SP100: variants seen among roughly 807,000 people sequenced by gnomAD.
SP100 encodes the protein nuclear autoantigen Sp-100.
Under a neutral mutation model 130.0 loss-of-function variants are expected in SP100, and 84 were observed. The ratio of observed to expected loss-of-function variants is 0.65; its 90% CI spans 0.54 to 0.77. The LOEUF (loss-of-function observed/expected upper bound fraction) is 0.77, where lower values mean the gene tolerates loss of function less well. Ranked by LOEUF, SP100 falls within the 30% of genes least tolerant of loss-of-function variation. The pLI is 0.00. For missense variants in SP100, 978 were observed against 1,052.2 expected (o/e 0.93, Z 0.97); for synonymous variants, 331 against 351.7 (o/e 0.94, Z 0.66).
rs767451692 is a variant in SP100 at position 230,464,109 on chromosome 2, A to T, written c.1100A>T (p.Glu367Val). The change falls in exon 11 of 29, where the codon GAG becomes GTG. Residue 367 changes from glutamate (E) to valine (V), a missense_variant. Transcript: ENST00000340126. Reference protein sequence around the residue: ...DNPLESNDEKEGQEATCSRPQ... With the variant: ...DNPLESNDEKVGQEATCSRPQ... Reference sequence around the variant, plus strand: ...CCTTTAGAATCAAATGATGAAAAGGAGGGCCAAGAAGCCACTTGCTCACGA... The same window carrying T: ...CCTTTAGAATCAAATGATGAAAAGGTGGGCCAAGAAGCCACTTGCTCACGA... The T allele has an allele frequency of 1.2e-6, 2 of 1,613,300 alleles. No individual in the cohort carries two copies. Among genetic ancestry groups the T allele is most frequent in the Non-Finnish European group, 1.7e-6 (2 of 1,179,266 alleles).
chr2:230,525,691 A>T (rs1015996563), intron 24 of SP100, among the ~76,000 whole-genome samples: 15 of 152,184 alleles, frequency 9.9e-5, no homozygotes, highest in Non-Finnish European at 2.1e-4. Context: ...TATACTCCTG[A>T]CCAAACACTG....
At chr2:230,423,031 A>C (rs902536513) in intron 2 of SP100, among the ~76,000 whole-genome samples, 1 of 152,202 alleles carries the variant, frequency 6.6e-6, no homozygotes, top group African/African-American at 2.4e-5. Context: ...ATATATATGC[A>C]CATATATGTA....
At chr2:230,492,641 T>C (rs2066450260) in intron 17 of SP100, among the ~76,000 whole-genome samples, 1 of 152,164 alleles carries the variant, frequency 6.6e-6, no homozygotes, top group African/African-American at 2.4e-5. Flanking sequence ...TATTTCTATA[T>C]TGTCAGAGCA....
intron 2 of SP100, among the ~76,000 whole-genome samples, chr2:230,420,602 TA>T (rs2062740751): frequency 6.6e-6 from 1 of 152,182 alleles, no homozygotes; most frequent in African/African-American, 2.4e-5. Flanking sequence ...GGCCTGTGTA[TA>T]GGATATTTAT....
chr2:230,438,732 A>G (rs915013073), intron 2 of SP100, among the ~76,000 whole-genome samples: 2 of 151,944 alleles, frequency 1.3e-5, no homozygotes, highest in African/African-American at 4.8e-5. Context: ...GTATATATAC[A>G]TATATATATC....
intron 2 of SP100, among the ~76,000 whole-genome samples, chr2:230,419,891 A>G (rs2062720580): frequency 6.6e-6 from 1 of 152,164 alleles, no homozygotes; most frequent in Non-Finnish European, 1.5e-5. Flanking sequence ...GATCTGATCC[A>G]TGGTTCTATT....
chr2:230,474,398 C>T lies in SP100; in HGVS notation c.1551C>T (p.Thr517=). The T allele has an allele frequency of 6.6e-7, 1 of 1,526,014 alleles. No homozygotes were observed. Among genetic ancestry groups the T allele is most frequent in the Non-Finnish European group, 9.0e-7 (1 of 1,108,030 alleles). The allele number at this position is 1,526,014 out of a possible 1,614,324, so 94.5% of individuals were successfully genotyped here. A position where few individuals can be genotyped will look rare whatever the true frequency, so the allele number is the denominator to read the frequency against. The change falls in exon 17 of 29, where the codon ACC becomes ACT. Residue 517 remains threonine (T), a synonymous_variant. Transcript: ENST00000340126. ...ESSQASDMMD[T]MDVENNSTLE... The stretch of plus-strand genomic sequence containing the variant: ...CCACTACCTGTCACTTTCTAGATAC[C>T]ATGGATGTTGAAAACAATTCTACTT...
At chr2:230,478,481 G>A (rs558573080) in intron 17 of SP100, among the ~76,000 whole-genome samples, 2 of 152,144 alleles carry the variant, frequency 1.3e-5, no homozygotes, top group East Asian at 1.9e-4. Context: ...AATCAGTAAC[G>A]GTTATGAAAA....
At chr2:230,515,993 T>C in intron 24 of SP100, 1 of 1,001,612 alleles carries the variant, frequency 1.0e-6, no homozygotes, top group Non-Finnish European at 1.2e-6. Flanking sequence ...TTTGTTGTTC[T>C]GTTAACTGAA....
At chr2:230,458,430 G>C (rs187057055) in intron 8 of SP100, among the ~76,000 whole-genome samples, 2 of 152,150 alleles carry the variant, frequency 1.3e-5, no homozygotes, top group Non-Finnish European at 2.9e-5. Context: ...CTGTCTGAGG[G>C]GTGGCAGAGG....
At chr2:230,435,201 A>G (rs997043531) in intron 2 of SP100, among the ~76,000 whole-genome samples, 8 of 152,168 alleles carry the variant, frequency 5.3e-5, no homozygotes, top group Non-Finnish European at 1.2e-4. Flanking sequence ...GTGTTTGCCA[A>G]TCTAATGGGT....
At chr2:230,488,322 T>C (rs1183763306) in intron 17 of SP100, among the ~76,000 whole-genome samples, 1 of 152,204 alleles carries the variant, frequency 6.6e-6, no homozygotes, top group East Asian at 1.9e-4. Flanking sequence ...GGCTGTGGGT[T>C]TGTCATAAAT....
rs377734005 is a variant in SP100 at position 230,440,472 on chromosome 2, A to G, written c.108-2465A>G. 57 of 1,104,554 alleles carry G rather than the reference A, an allele frequency of 5.2e-5. No individual in the cohort carries two copies. The East Asian group carries it at 6.0e-4, about 12-fold the overall frequency. The allele number at this position is 1,104,554 out of a possible 1,614,324, so 68.4% of individuals were successfully genotyped here. On this transcript the variant is annotated intron_variant, in intron 2 of 28. Transcript: ENST00000340126. ...TAATTAAATTAAATTTTTTATTTCA[A>G]TAGGTTTTTGGAGAGGAATAAATTT...
chr2:230,416,409 A>C, intron 1 of SP100, 81 bp downstream of exon 1: 1 of 1,222,160 alleles, frequency 8.2e-7, no homozygotes, highest in South Asian at 1.3e-5. Context: ...TTTGTGCCTA[A>C]GGCTTCACTT....
rs7559565 is a variant in SP100, at chr2:230,506,702, T to G, written c.2013+257T>G. The G allele has an allele frequency of 7.1e-3, 2,553 of 360,266 alleles. 57 individuals are homozygous for G. The highest frequency in any genetic ancestry group is 0.047 in the African/African-American group (2,272 of 48,226). The allele number at this position is 360,266 out of a possible 1,614,324, so 22.3% of individuals were successfully genotyped here. ...ATTGTGGCCTTGACTCTGCCATTAATAAACTGTGCAATTTGGTCACATGAA... is the reference window on the plus strand; with the variant it reads ...ATTGTGGCCTTGACTCTGCCATTAAGAAACTGTGCAATTTGGTCACATGAA... On this transcript the variant is annotated intron_variant, in intron 22 of 28. Coordinates refer to ENST00000340126, the MANE Select transcript of SP100 (RefSeq NM_001080391.2).
At chr2:230,463,087 G>C (rs2064751740) in intron 10 of SP100, among the ~76,000 whole-genome samples, 1 of 152,148 alleles carries the variant, frequency 6.6e-6, no homozygotes. Context: ...TTTGCAAATT[G>C]TCTTATTTTT....
intron 12 of SP100, 29 bp from the exon 13 acceptor site, chr2:230,467,091 C>G (rs1245197012): frequency 6.8e-7 from 1 of 1,468,816 alleles, no homozygotes; most frequent in Non-Finnish European, 9.5e-7. Context: ...ACATTGAGAG[C>G]TCCAAAGGAC....
intron 12 of SP100, 36 bp from the exon 13 acceptor site, chr2:230,467,083 AT>A (rs1294128131): frequency 1.4e-6 from 2 of 1,392,100 alleles, no homozygotes; most frequent in East Asian, 4.6e-5. Flanking sequence ...CTTATCATAC[AT>A]TGAGAGCTCC....
chr2:230,478,914 G>A (rs563542582), intron 17 of SP100, among the ~76,000 whole-genome samples: 38 of 152,116 alleles, frequency 2.5e-4, no homozygotes, highest in South Asian at 1.9e-3. Flanking sequence ...TCTGCCTCCC[G>A]GATTCAAGCA....
Sources: gnomAD v4.1 joint callset for allele counts (sites outside exome capture counted in the v4.1 genomes callset) on GRCh38, gnomAD v4.1.1 for gene constraint, MANE v1.5 for transcripts, NCBI Gene and HGNC (gene_info 2026-07-23, HGNC 2026-07-21) for gene names.